Variants in PRIM2 observed in about 807,000 individuals in gnomAD.
The protein encoded by PRIM2 is DNA primase large subunit.
PRIM2 carries 39 observed loss-of-function variants against 67.3 expected under a neutral mutation model. The observed-to-expected ratio is 0.58, with a 90% confidence interval of 0.45 to 0.76. PRIM2 has a LOEUF of 0.76. PRIM2 is among the 30% of genes least tolerant of loss of function. The pLI, the probability that PRIM2 is intolerant of heterozygous loss-of-function variation, is 0.00. For missense variants in PRIM2, 398 were observed against 598.7 expected, an observed-to-expected ratio of 0.66 and a Z score of 3.50; for synonymous variants, 143 against 198.7, an observed-to-expected ratio of 0.72 and a Z score of 2.36.
At chr6:57,234,877 G>A in the PRIM2 span, among the ~76,000 whole-genome samples, 19,088 of 152,174 alleles carry the variant, frequency 0.13, 1,258 homozygotes, top group Middle Eastern at 0.22. Flanking sequence ...GTAACAAATC[G>A]GTATTGATTC....
In PRIM2 at chr6:57,626,311, T is replaced by G. The variant is rs1179997873; in HGVS notation, c.1231-5822T>G. Among the ~76,000 whole-genome samples, 749 of 152,318 alleles carry G rather than the reference T, an allele frequency of 4.9e-3. 5 individuals are homozygous for G. The highest frequency in any genetic ancestry group is 0.017 in the African/African-American group (721 of 41,574). On this transcript the variant is annotated intron_variant, in intron 12 of 13. Coordinates refer to ENST00000615550, the MANE Select transcript of PRIM2 (RefSeq NM_000947.5). ...GGAAGTGTGGCTCAAAGTTATAAAA[T>G]GTTGTGTGTGTATAAAAAGAAGAGA...
chr6:57,628,876 T>G (rs1776999170), intron 12 of PRIM2, among the ~76,000 whole-genome samples: 2 of 152,212 alleles, frequency 1.3e-5, no homozygotes, highest in Non-Finnish European at 2.9e-5. Flanking sequence ...TGTGGAAATT[T>G]GACCCTAAAT....
chr6:57,479,076 A>G (rs1320164642), intron 7 of PRIM2, among the ~76,000 whole-genome samples: 169 of 152,244 alleles, frequency 1.1e-3, no homozygotes, highest in Non-Finnish European at 2.1e-3. Flanking sequence ...AACCTGGGAG[A>G]TGGAGTTTGC....
chr6:57,507,498 C>G, intron 8 of PRIM2, 44 bp downstream of exon 8: 1 of 1,470,706 alleles, frequency 6.8e-7, no homozygotes, highest in Admixed American at 2.4e-5. Flanking sequence ...AATCCAAGTG[C>G]AGTAAAGTGA....
At chr6:57,507,258 G>A (rs1774269737) in intron 7 of PRIM2, 129 bp from the exon 8 acceptor site, 1 of 869,068 alleles carries the variant, frequency 1.2e-6, no homozygotes, top group African/African-American at 1.7e-5. Flanking sequence ...TTTGAAAAAA[G>A]AGAAATAGAA....
intron 13 of PRIM2, among the ~76,000 whole-genome samples, chr6:57,645,606 T>G: frequency 6.6e-6 from 1 of 151,262 alleles, no homozygotes; most frequent in South Asian, 2.1e-4. Context: ...AGGATACGTT[T>G]CCTGTTGGGT....
At chr6:57,605,305 G>A (rs1290517792) in intron 11 of PRIM2, among the ~76,000 whole-genome samples, 1 of 152,232 alleles carries the variant, frequency 6.6e-6, no homozygotes, top group South Asian at 2.1e-4. Context: ...TTAATGGGGG[G>A]AGTCCCCCCT....
At position 57,458,362 on chromosome 6, in the gene PRIM2, A is replaced by G. The variant is rs1581926889; in HGVS notation, c.694-49025A>G. ...GAGGACATTAATGAGATAAGGAAGT[A>G]TAATTCTTCCATATGCCCTGGAAAA... On this transcript the variant is annotated intron_variant, in intron 7 of 13. Transcript: ENST00000615550. Among the ~76,000 whole-genome samples the G allele has an allele frequency of 2.0e-5, 3 of 152,344 alleles. No homozygotes were observed. The East Asian group carries it at 5.8e-4, about 29-fold the overall frequency.
chr6:57,505,301 A>T (rs1774228093), intron 7 of PRIM2: 1 of 152,216 alleles, frequency 6.6e-6, no homozygotes, highest in African/African-American at 2.4e-5. Context: ...TTTAGGAATC[A>T]TTCTTGCCAG....
intron 10 of PRIM2, among the ~76,000 whole-genome samples, chr6:57,557,249 C>T (rs1775530253): frequency 1.4e-5 from 2 of 143,770 alleles, no homozygotes; most frequent in Admixed American, 7.1e-5. Flanking sequence ...AACTACCATT[C>T]GACCCAGCAA....
chr6:57,235,772 G>A, the PRIM2 span, among the ~76,000 whole-genome samples: 1 of 152,144 alleles, frequency 6.6e-6, no homozygotes, highest in African/African-American at 2.4e-5. Context: ...AAGCAAGAGG[G>A]TCAGAGCCAA....
the PRIM2 span, among the ~76,000 whole-genome samples, chr6:57,280,698 C>T: frequency 4.6e-5 from 7 of 152,012 alleles, no homozygotes; most frequent in Non-Finnish European, 8.8e-5. Flanking sequence ...TTAGTAGAAA[C>T]GGGGTTTCAC....
the PRIM2 span, among the ~76,000 whole-genome samples, chr6:57,256,446 G>A: frequency 3.9e-5 from 6 of 152,106 alleles, no homozygotes; most frequent in East Asian, 1.2e-3. Context: ...TATCATTTAT[G>A]GTGTCTTAGA....
the PRIM2 span, among the ~76,000 whole-genome samples, chr6:57,294,520 C>A: frequency 6.6e-6 from 1 of 151,668 alleles, no homozygotes; most frequent in Non-Finnish European, 1.5e-5. Context: ...CAAAACAGAA[C>A]AAAAGCAGTA....
the PRIM2 span, among the ~76,000 whole-genome samples, chr6:57,250,774 C>T: frequency 6.6e-6 from 1 of 152,182 alleles, no homozygotes; most frequent in Admixed American, 6.5e-5. Flanking sequence ...TAGTATTTGA[C>T]TCTTTCCCGT....
At chr6:57,337,612 T>C (rs571061753) in intron 5 of PRIM2, among the ~76,000 whole-genome samples, 79 of 152,164 alleles carry the variant, frequency 5.2e-4, no homozygotes, top group African/African-American at 1.8e-3. Context: ...GAATGACTAC[T>C]GGGTATATAA....
chr6:57,399,018 C>T (rs72871662), intron 7 of PRIM2, among the ~76,000 whole-genome samples: 5 of 151,528 alleles, frequency 3.3e-5, no homozygotes, highest in Non-Finnish European at 5.9e-5. Flanking sequence ...TCCTGTATCC[C>T]TTTATTTATT....
intron 7 of PRIM2, among the ~76,000 whole-genome samples, chr6:57,422,741 GA>G (rs1206744538): frequency 6.6e-6 from 1 of 151,798 alleles, no homozygotes; most frequent in Non-Finnish European, 1.5e-5. Context: ...GTATACAAAT[GA>G]TAGGGTTTTA....
At chr6:57,431,179 G>A (rs542417294) in intron 7 of PRIM2, among the ~76,000 whole-genome samples, 1 of 150,456 alleles carries the variant, frequency 6.6e-6, no homozygotes, top group Non-Finnish European at 1.5e-5. Flanking sequence ...TTTTTTTAAT[G>A]TGTCCAAATA....
Sources: gnomAD v4.1 joint callset for allele counts (sites outside exome capture counted in the v4.1 genomes callset) on GRCh38, gnomAD v4.1.1 for gene constraint, MANE v1.5 for transcripts, NCBI Gene and HGNC (gene_info 2026-07-23, HGNC 2026-07-21) for gene names.